Variants in CDH13 observed in about 807,000 individuals in gnomAD.
CDH13 encodes cadherin-13.
CDH13 carries 24 observed loss-of-function variants against 63.8 expected under a neutral mutation model. The ratio of observed to expected loss-of-function variants is 0.38; its 90% CI spans 0.27 to 0.53. The LOEUF (loss-of-function observed/expected upper bound fraction) is 0.53. Among genes scored for constraint, CDH13 ranks in the 20% least tolerant of loss-of-function variants. CDH13 has a pLI of 0.85. For synonymous variants in CDH13, 503 were observed against 355.3 expected (o/e 1.42, Z -4.67); for missense variants, 1,049 against 903.1 (o/e 1.16, Z -2.07).
chr16:82,935,485 G>C (rs1238113384), intron 2 of CDH13, among the ~76,000 whole-genome samples: 4 of 152,200 alleles, frequency 2.6e-5, no homozygotes, highest in African/African-American at 7.2e-5. Flanking sequence ...TGTGCTATTT[G>C]AATAAATGAG....
chr16:83,046,900 G>C (rs893454222), intron 3 of CDH13, among the ~76,000 whole-genome samples: 1 of 152,132 alleles, frequency 6.6e-6, no homozygotes, highest in African/African-American at 2.4e-5. Context: ...GAGAAGACTG[G>C]ACATGAGATC....
At chr16:83,121,976 A>ACG (rs754612845) in intron 3 of CDH13, among the ~76,000 whole-genome samples, 1 of 151,896 alleles carries the variant, frequency 6.6e-6, no homozygotes, top group African/African-American at 2.4e-5. Context: ...ACACACACAC[A>ACG]CACACACACA....
At chr16:82,879,911 T>C (rs1227221406) in intron 2 of CDH13, among the ~76,000 whole-genome samples, 9 of 141,466 alleles carry the variant, frequency 6.4e-5, no homozygotes. Flanking sequence ...ATATATTATA[T>C]ATTTAGATAT....
At chr16:83,768,858 T>A (rs1011381955) in intron 11 of CDH13, among the ~76,000 whole-genome samples, 1 of 152,140 alleles carries the variant, frequency 6.6e-6, no homozygotes, top group Non-Finnish European at 1.5e-5. Flanking sequence ...CAACCTGTTT[T>A]ATCAGCAAGG....
chr16:83,535,550 C>G (rs2075166407), intron 7 of CDH13, among the ~76,000 whole-genome samples: 1 of 152,178 alleles, frequency 6.6e-6, no homozygotes, highest in African/African-American at 2.4e-5. Context: ...CTGACCAGCT[C>G]TGCTTTGCTA....
chr16:83,616,506 C>A (rs115373576), intron 8 of CDH13, among the ~76,000 whole-genome samples: 1 of 152,066 alleles, frequency 6.6e-6, no homozygotes, highest in Admixed American at 6.5e-5. Flanking sequence ...GTCTTACCAC[C>A]GAGCCACTCC....
intron 5 of CDH13, among the ~76,000 whole-genome samples, chr16:83,258,583 C>T (rs1281176877): frequency 6.6e-6 from 1 of 152,186 alleles, no homozygotes; most frequent in Non-Finnish European, 1.5e-5. Context: ...CAAATGTGCA[C>T]TGCGGACCAT....
chr16:83,311,946 T>C (rs953421065), intron 5 of CDH13, among the ~76,000 whole-genome samples: 3 of 151,450 alleles, frequency 2.0e-5, no homozygotes, highest in Admixed American at 6.6e-5. Context: ...TGGTGGTGCA[T>C]GCCTGTAATC....
At chr16:83,512,744 C>G (rs1006143089) in intron 7 of CDH13, among the ~76,000 whole-genome samples, 2 of 151,916 alleles carry the variant, frequency 1.3e-5, no homozygotes, top group Admixed American at 6.6e-5. Flanking sequence ...TCTACATGAG[C>G]TTTCACAGGG....
intron 2 of CDH13, among the ~76,000 whole-genome samples, chr16:82,863,462 A>G (rs1195233542): frequency 1.3e-5 from 2 of 152,218 alleles, no homozygotes; most frequent in Non-Finnish European, 2.9e-5. Flanking sequence ...ACTCATATCG[A>G]CTAGAATTCA....
chr16:83,271,246 C>A (rs545425608), intron 5 of CDH13, among the ~76,000 whole-genome samples: 80 of 151,362 alleles, frequency 5.3e-4, no homozygotes, highest in African/African-American at 1.6e-3. Flanking sequence ...TGGATGAAGT[C>A]TGTTAACTAA....
intron 6 of CDH13, among the ~76,000 whole-genome samples, chr16:83,482,719 G>A (rs929840784): frequency 6.6e-5 from 10 of 152,222 alleles, no homozygotes; most frequent in South Asian, 2.1e-4. Context: ...AGAGGACCAC[G>A]TGGAGACATG....
In CDH13 at chr16:83,263,951, T is replaced by G. The variant is rs1452056520; in HGVS notation, c.636+46454T>G. Among the ~76,000 whole-genome samples, 12 of 152,180 alleles carry G rather than the reference T, an allele frequency of 7.9e-5. No homozygotes were observed. The East Asian group carries it at 2.3e-3, about 29-fold the overall frequency. ...TCATGCAGAGACTCAATTTAACACT[T>G]CAGAAAATTTTTGTTCTTATGTCAA... On this transcript the variant is annotated intron_variant, in intron 5 of 13. Transcript: ENST00000567109.
intron 10 of CDH13, among the ~76,000 whole-genome samples, chr16:83,690,212 T>C (rs780786495): frequency 1.8e-4 from 27 of 152,108 alleles, no homozygotes; most frequent in Non-Finnish European, 1.5e-4. Flanking sequence ...ATCGAAATCA[T>C]ATTCCTGTGG....
At chr16:82,832,492 T>G (rs1323382050) in intron 1 of CDH13, among the ~76,000 whole-genome samples, 1 of 152,100 alleles carries the variant, frequency 6.6e-6, no homozygotes, top group African/African-American at 2.4e-5. Flanking sequence ...ACCAACATGG[T>G]TGTAAAAATC....
At chr16:83,009,349 ATATT>A (rs1329524163) in intron 2 of CDH13, among the ~76,000 whole-genome samples, 2 of 152,238 alleles carry the variant, frequency 1.3e-5, no homozygotes, top group Non-Finnish European at 2.9e-5. Context: ...TTAGATTATG[ATATT>A]TATTCAAAGA....
At chr16:83,569,783 C>T (rs1027851530) in intron 7 of CDH13, among the ~76,000 whole-genome samples, 2 of 152,178 alleles carry the variant, frequency 1.3e-5, no homozygotes, top group African/African-American at 4.8e-5. Flanking sequence ...GTCTCCCAGG[C>T]TGGAGTGCAG....
intron 2 of CDH13, among the ~76,000 whole-genome samples, chr16:82,905,017 G>C (rs1320859693): frequency 6.6e-6 from 1 of 152,024 alleles, no homozygotes; most frequent in Non-Finnish European, 1.5e-5. Flanking sequence ...TAGAGGCTCT[G>C]ACTCTAGCAG....
chr16:82,862,581 A>G (rs2039986259), intron 2 of CDH13, among the ~76,000 whole-genome samples: 1 of 151,978 alleles, frequency 6.6e-6, no homozygotes, highest in South Asian at 2.1e-4. Flanking sequence ...ACCCTTGTTC[A>G]TTCTTTATGG....
Sources: gnomAD v4.1 joint callset for allele counts (sites outside exome capture counted in the v4.1 genomes callset) on GRCh38, gnomAD v4.1.1 for gene constraint, MANE v1.5 for transcripts, NCBI Gene and HGNC (gene_info 2026-07-23, HGNC 2026-07-21) for gene names.